LURAP1L: variants seen among roughly 807,000 people sequenced by gnomAD.
LURAP1L encodes the protein leucine rich adaptor protein 1-like.
LURAP1L carries 12 observed loss-of-function variants against 13.8 expected under a neutral mutation model. The observed-to-expected ratio is 0.87, with a 90% CI of 0.56 to 1.41. The LOEUF (loss-of-function observed/expected upper bound fraction) is 1.41. Ranked by LOEUF, LURAP1L falls within the 40% of genes most tolerant of loss-of-function variation. The pLI, the probability that LURAP1L is intolerant of heterozygous loss-of-function variation, is 0.00. For synonymous variants in LURAP1L, 139 were observed against 119.2 expected, an observed-to-expected ratio of 1.17 and a Z score of -1.08; for missense variants, 375 against 292.9, an observed-to-expected ratio of 1.28 and a Z score of -2.04.
At chr9:12,789,154 G>T (rs1025056577) in intron 1 of LURAP1L, among the ~76,000 whole-genome samples, 6 of 151,254 alleles carry the variant, frequency 4.0e-5, no homozygotes, top group Admixed American at 6.6e-5. Context: ...AAATTAAAAT[G>T]TTGGGCTTTG....
rs79314935 is a variant in LURAP1L, at chr9:12,776,568, C to T, written c.312+541C>T. Among the ~76,000 whole-genome samples the T allele has an allele frequency of 3.4e-3, 521 of 152,210 alleles. 1 individual carries two copies. Among genetic ancestry groups the T allele is most frequent in the African/African-American group, 0.012 (486 of 41,530 alleles). On this transcript the variant is annotated intron_variant, in intron 1 of 1. Transcript: ENST00000319264. ...CTGCCCTCCCTTCTTGGTGCAGCAG[C>T]CGCAGCTGTTCCAAGGCCACTGTCG... is the stretch of plus-strand genomic sequence containing the variant.
At chr9:12,786,776 T>C (rs1338968217) in intron 1 of LURAP1L, among the ~76,000 whole-genome samples, 1 of 150,730 alleles carries the variant, frequency 6.6e-6, no homozygotes, top group Non-Finnish European at 1.5e-5. Context: ...TATGAAAGAG[T>C]GATGTGTAAA....
chr9:12,819,527 C>T (rs998165384), intron 1 of LURAP1L, among the ~76,000 whole-genome samples: 1 of 152,190 alleles, frequency 6.6e-6, no homozygotes, highest in African/African-American at 2.4e-5. Context: ...CAGTTTGAGT[C>T]ATCCAAGAAT....
At chr9:12,780,908 A>G (rs1202901006) in intron 1 of LURAP1L, among the ~76,000 whole-genome samples, 1 of 152,162 alleles carries the variant, frequency 6.6e-6, no homozygotes, top group Non-Finnish European at 1.5e-5. Context: ...CCATGAGCTC[A>G]GCCATTTATC....
chr9:12,821,700 G>A lies in LURAP1L; in HGVS notation c.627G>A (p.Glu209=). The A allele has an allele frequency of 6.2e-7, 1 of 1,614,168 alleles. No individual in the cohort carries two copies. The highest frequency in any genetic ancestry group is 8.5e-7 in the Non-Finnish European group (1 of 1,180,032). Residue 209 remains glutamate (E), a synonymous_variant, in exon 2 of 2, where the codon GAG becomes GAA. Transcript: ENST00000319264. ...AATTCAGTGACAGCTCCCTCATAGA[G>A]GACTCACAGGCACTACACAAGCGTC... The part of the protein sequence containing the change: ...LDQFSDSSLI[E]DSQALHKRPK...
chr9:12,808,765 AT>A (rs1186799118), intron 1 of LURAP1L, among the ~76,000 whole-genome samples: 1 of 152,052 alleles, frequency 6.6e-6, no homozygotes, highest in Non-Finnish European at 1.5e-5. Context: ...TCTGTCATTC[AT>A]TTTGGGACAT....
intron 1 of LURAP1L, among the ~76,000 whole-genome samples, chr9:12,813,141 T>A (rs1819760668): frequency 6.6e-6 from 1 of 152,158 alleles, no homozygotes; most frequent in South Asian, 2.1e-4. Flanking sequence ...ACCTCCTCAA[T>A]GGTACACTGA....
intron 1 of LURAP1L, chr9:12,814,322 T>C (rs1041492847): frequency 6.6e-6 from 1 of 152,204 alleles, no homozygotes; most frequent in African/African-American, 2.4e-5. Flanking sequence ...TTCTCTGGTC[T>C]GTGTTCAATG....
At chr9:12,810,877 A>C (rs1268968606) in intron 1 of LURAP1L, among the ~76,000 whole-genome samples, 3 of 152,132 alleles carry the variant, frequency 2.0e-5, no homozygotes, top group East Asian at 3.8e-4. Context: ...TTTAGACACC[A>C]CATGAAAAAC....
At chr9:12,781,373 T>C (rs886647135) in intron 1 of LURAP1L, among the ~76,000 whole-genome samples, 1 of 152,192 alleles carries the variant, frequency 6.6e-6, no homozygotes, top group African/African-American at 2.4e-5. Context: ...ACTATATTAA[T>C]GTATCCATTA....
chr9:12,780,047 A>G (rs1021977841), intron 1 of LURAP1L, among the ~76,000 whole-genome samples: 3 of 152,202 alleles, frequency 2.0e-5, no homozygotes, highest in Non-Finnish European at 4.4e-5. Context: ...TTCAAGTTTT[A>G]GAGCTCAATA....
At chr9:12,812,184 T>A (rs939172698) in intron 1 of LURAP1L, among the ~76,000 whole-genome samples, 1 of 152,152 alleles carries the variant, frequency 6.6e-6, no homozygotes, top group African/African-American at 2.4e-5. Flanking sequence ...AATAGGCCCA[T>A]CCGATACCAG....
chr9:12,820,783 T>C (rs1305371641), intron 1 of LURAP1L, among the ~76,000 whole-genome samples: 1 of 152,162 alleles, frequency 6.6e-6, no homozygotes, highest in Non-Finnish European at 1.5e-5. Flanking sequence ...TCATAAAGAA[T>C]ACAGGTCTTT....
chr9:12,800,861 T>C (rs879669218), intron 1 of LURAP1L, among the ~76,000 whole-genome samples: 2 of 152,120 alleles, frequency 1.3e-5, no homozygotes, highest in Non-Finnish European at 2.9e-5. Context: ...TTTATAGTAA[T>C]GTGAGAACAG....
intron 1 of LURAP1L, among the ~76,000 whole-genome samples, chr9:12,800,114 G>A (rs1421544810): frequency 1.3e-5 from 2 of 152,050 alleles, no homozygotes; most frequent in African/African-American, 4.8e-5. Flanking sequence ...CTCATGCTGT[G>A]CATTAGATTC....
At chr9:12,807,118 T>TATATATATATATATATA (rs1563896115) in intron 1 of LURAP1L, among the ~76,000 whole-genome samples, 11 of 133,706 alleles carry the variant, frequency 8.2e-5, no homozygotes, top group Non-Finnish European at 1.2e-4. Flanking sequence ...TATATATATA[T>TATATATATATATATATA]TAGCCGGGCG....
Position 12,821,537 on chromosome 9 carries a change from G to T in LURAP1L, c.464G>T (p.Ser155Ile), listed in dbSNP as rs747497098. ...GGCAGCCTGTGCAGTTTGTTGGAGA[G>T]TCAGAGCACCTCCTTACGTGGCAGC... is the stretch of plus-strand genomic sequence containing the variant. Reference protein sequence around the residue: ...LSGSLCSLLESQSTSLRGSYN... With the variant: ...LSGSLCSLLEIQSTSLRGSYN... The change falls in exon 2 of 2, where the codon AGT becomes ATT. Residue 155 changes from serine to isoleucine, a missense_variant. Transcript: ENST00000319264. The T allele has an allele frequency of 6.2e-7, 1 of 1,614,044 alleles. No homozygotes were observed. The highest frequency in any genetic ancestry group is 8.5e-7 in the Non-Finnish European group (1 of 1,180,036).
intron 1 of LURAP1L, among the ~76,000 whole-genome samples, chr9:12,795,025 A>C (rs779605290): frequency 1.1e-4 from 17 of 151,324 alleles, no homozygotes; most frequent in Non-Finnish European, 2.4e-4. Context: ...GTCTGTAATA[A>C]AATATAATTT....
chr9:12,810,516 T>G (rs2118534888), intron 1 of LURAP1L, among the ~76,000 whole-genome samples: 1 of 152,328 alleles, frequency 6.6e-6, no homozygotes, highest in African/African-American at 2.4e-5. Flanking sequence ...GCCCTTCACA[T>G]ATCAGACTGG....
Sources: gnomAD v4.1 joint callset for allele counts (sites outside exome capture counted in the v4.1 genomes callset) on GRCh38, gnomAD v4.1.1 for gene constraint, MANE v1.5 for transcripts, NCBI Gene and HGNC (gene_info 2026-07-23, HGNC 2026-07-21) for gene names.